The following PDILT variants were observed in gnomAD, a reference collection of about 807,000 sequenced individuals.
PDILT encodes protein disulfide isomerase like, testis expressed, also known as protein disulfide-isomerase-like protein of the testis.
In PDILT, 43 loss-of-function variants were observed where a neutral mutation model predicts 53.7. That is an observed-to-expected ratio of 0.80 (90% CI 0.63 to 1.03). The LOEUF (loss-of-function observed/expected upper bound fraction) is 1.03. Ranked by LOEUF, PDILT falls within the 50% of genes least tolerant of loss-of-function variation. PDILT has a pLI of 0.00. For missense variants in PDILT, 727 were observed against 712.3 expected (o/e 1.02, Z -0.24); for synonymous variants, 282 against 274.2 (o/e 1.03, Z -0.28).
chr16:20,374,895 A>T lies in PDILT; in HGVS notation c.608T>A (p.Phe203Tyr). The T allele has an allele frequency of 6.2e-7, 1 of 1,614,144 alleles. No homozygotes were observed. Among genetic ancestry groups the T allele is most frequent in the Non-Finnish European group, 8.5e-7 (1 of 1,179,992 alleles). ...DVIKDFPELT[F>Y]GVITIGNVIG... ...GACATTGCCAATCGTTATGACTCCA[A>T]ACGTTAGCTCTGGAAAGTCTTTGAT... Residue 203 changes from phenylalanine (F) to tyrosine (Y), a missense_variant, in exon 5 of 12, where the codon TTT becomes TAT. Physicochemically the swap from Phe to Tyr is conservative, Grantham distance 22. Transcript: ENST00000302451.
intron 1 of PDILT, among the ~76,000 whole-genome samples, chr16:20,402,549 T>C (rs1290709147): frequency 6.6e-6 from 1 of 152,214 alleles, no homozygotes; most frequent in Admixed American, 6.5e-5. Context: ...TCCGCCCACC[T>C]CGGCCTCCCA....
In PDILT at chr16:20,390,175, T is replaced by A. The variant is rs562569173; in HGVS notation, c.203-5324A>T. On this transcript the variant is annotated intron_variant, in intron 2 of 11. Coordinates refer to ENST00000302451, the MANE Select transcript of PDILT (RefSeq NM_174924.2). ...AGAGGTACTCACAGCTGATAGGGAC[T>A]TCAGGATTGTCATCAATCTCTTCTT... 9.8e-5 allele frequency among the ~76,000 whole-genome samples: 15 copies of A among 152,306 alleles called. No individual in the cohort carries two copies. The South Asian group carries it at 3.1e-3, about 32-fold the overall frequency.
chr16:20,381,070 A>G (rs905063108), intron 3 of PDILT, among the ~76,000 whole-genome samples: 2 of 152,196 alleles, frequency 1.3e-5, no homozygotes, highest in South Asian at 2.1e-4. Context: ...CCAGGCACAG[A>G]CTGTGGCTGC....
At chr16:20,377,968 A>G (rs994458180) in intron 3 of PDILT, among the ~76,000 whole-genome samples, 10 of 152,150 alleles carry the variant, frequency 6.6e-5, no homozygotes, top group East Asian at 1.9e-4. Flanking sequence ...AAGAAAAAAA[A>G]AAAGAAAGAA....
At chr16:20,381,020 T>C (rs1454561554) in intron 3 of PDILT, among the ~76,000 whole-genome samples, 2 of 152,234 alleles carry the variant, frequency 1.3e-5, no homozygotes. Flanking sequence ...GTGAATGCAA[T>C]GTCAATGATT....
chr16:20,376,242 C>G (rs754518051), intron 3 of PDILT, 41 bp from the exon 4 acceptor site: 1 of 1,607,036 alleles, frequency 6.2e-7, no homozygotes, highest in East Asian at 2.2e-5. Flanking sequence ...GAGAAGTTTC[C>G]TCTTGAACCA....
chr16:20,379,837 A>T (rs2141605473), intron 3 of PDILT, among the ~76,000 whole-genome samples: 1 of 152,278 alleles, frequency 6.6e-6, no homozygotes, highest in South Asian at 2.1e-4. Flanking sequence ...AGGAGGCATC[A>T]TGCCACCCTC....
At chr16:20,359,688 C>T (rs755865987) in intron 11 of PDILT, 121 bp from the exon 12 acceptor site, 8 of 995,546 alleles carry the variant, frequency 8.0e-6, no homozygotes, top group African/African-American at 1.6e-5. Flanking sequence ...TCTGAAAGTG[C>T]CCAGAGAGAA....
chr16:20,373,991 C>G (rs1046391434), intron 5 of PDILT, among the ~76,000 whole-genome samples: 1 of 151,894 alleles, frequency 6.6e-6, no homozygotes, highest in African/African-American at 2.4e-5. Context: ...GTTCTGTTGC[C>G]CAGGCTGGAG....
rs753674125 is a variant in PDILT at position 20,359,341 on chromosome 16, G to T, written c.1733C>A (p.Pro578Gln). 8 of 1,613,762 alleles carry T rather than the reference G, an allele frequency of 5.0e-6. No individual in the cohort carries two copies. The highest frequency in any genetic ancestry group is 6.8e-6 in the Non-Finnish European group (8 of 1,179,962). Residue 578 changes from proline (P) to glutamine (Q), a missense_variant, in exon 12 of 12, where the codon CCA becomes CAA. Coordinates refer to ENST00000302451, the MANE Select transcript of PDILT (RefSeq NM_174924.2). Reference protein sequence around the residue: ...PKGPPVQKKKPKVKEEL With the variant: ...PKGPPVQKKKQKVKEEL ...AAGCTAAAGTTCTTCCTTGACTTTT[G>T]GTTTCTTCTTTTGCACTGGAGGTCC...
intron 10 of PDILT, among the ~76,000 whole-genome samples, chr16:20,361,599 AAC>A (rs762329709): frequency 2.0e-5 from 3 of 152,178 alleles, no homozygotes; most frequent in African/African-American, 7.2e-5. Context: ...CAGCCTCAGT[AAC>A]ACAACTCCCC....
At chr16:20,374,729 C>T in intron 5 of PDILT, 93 bp downstream of exon 5, 2 of 1,412,806 alleles carry the variant, frequency 1.4e-6, no homozygotes, top group Non-Finnish European at 1.9e-6. Context: ...ACTGAGTTCA[C>T]AAGTGGCAGA....
At chr16:20,389,430 AG>A (rs1478504008) in intron 2 of PDILT, among the ~76,000 whole-genome samples, 1 of 152,208 alleles carries the variant, frequency 6.6e-6, no homozygotes, top group Non-Finnish European at 1.5e-5. Context: ...TTGATGACAT[AG>A]GTGGAGACTC....
At chr16:20,403,581 T>C (rs917105615) in intron 1 of PDILT, among the ~76,000 whole-genome samples, 9 of 152,140 alleles carry the variant, frequency 5.9e-5, no homozygotes, top group Non-Finnish European at 1.2e-4. Flanking sequence ...TGAGCCACCG[T>C]GCCCAGCAGA....
At position 20,400,044 on chromosome 16, in the gene PDILT, ATCTATCTATC is replaced by A. The variant is rs1253999526; in HGVS notation, c.-7-747_-7-738del. 1.2e-3 allele frequency among the ~76,000 whole-genome samples: 157 copies of A among 127,902 alleles called. 2 individuals are homozygous for A. The highest frequency in any genetic ancestry group is 3.2e-3 in the African/African-American group (96 of 30,226). 83.9% of individuals were successfully genotyped at this position (127,902 alleles called of 152,430 possible). On this transcript the variant is annotated intron_variant, in intron 1 of 11. Transcript: ENST00000302451. The stretch of plus-strand genomic sequence containing the variant: ...TATCTATCTATCTATCTATCTATCT[ATCTATCTATC>A]TATATATATATATATATATTTTTTG...
intron 7 of PDILT, among the ~76,000 whole-genome samples, chr16:20,371,727 G>C (rs62034970): frequency 0.24 from 36,929 of 151,724 alleles, 5,204 homozygotes; most frequent in Non-Finnish European, 0.31. Flanking sequence ...AAAAATGGAA[G>C]AAAATAATGG....
intron 2 of PDILT, among the ~76,000 whole-genome samples, chr16:20,389,780 C>CTGATGGG (rs2141615642): frequency 6.6e-6 from 1 of 152,180 alleles, no homozygotes; most frequent in African/African-American, 2.4e-5. Context: ...AGAGGAGGGG[C>CTGATGGG]TGATGGGTGA....
intron 9 of PDILT, among the ~76,000 whole-genome samples, chr16:20,364,109 G>A (rs1368614107): frequency 1.3e-5 from 2 of 152,226 alleles, no homozygotes; most frequent in East Asian, 3.8e-4. Context: ...CAGAACAGGA[G>A]GGGGCATAAT....
intron 10 of PDILT, 37 bp downstream of exon 10, chr16:20,362,367 A>C: frequency 6.2e-7 from 1 of 1,606,154 alleles, no homozygotes; most frequent in Non-Finnish European, 8.5e-7. Context: ...ATAACATAAC[A>C]TTGTTTTCAG....
Sources: gnomAD v4.1 joint callset for allele counts (sites outside exome capture counted in the v4.1 genomes callset) on GRCh38, gnomAD v4.1.1 for gene constraint, MANE v1.5 for transcripts, NCBI Gene and HGNC (gene_info 2026-07-23, HGNC 2026-07-21) for gene names.